CRB2: variants seen among roughly 807,000 people sequenced by gnomAD.
CRB2 encodes crumbs cell polarity complex component 2.
In CRB2, 85 loss-of-function variants were observed where a neutral mutation model predicts 110.9. The observed-to-expected ratio is 0.77, with a 90% CI of 0.64 to 0.92. CRB2 has a LOEUF of 0.92. Ranked by LOEUF, CRB2 falls within the 40% of genes least tolerant of loss-of-function variation. The pLI is 0.00. For synonymous variants in CRB2, 907 were observed against 831.0 expected, an observed-to-expected ratio of 1.09 and a Z score of -1.57; for missense variants, 1,843 against 1,851.3, an observed-to-expected ratio of 1.00 and a Z score of 0.08.
upstream of CRB2, chr9:123,356,076 C>T (rs1281966667): frequency 6.8e-6 from 3 of 439,058 alleles, no homozygotes; most frequent in Non-Finnish European, 1.2e-5. Context: ...TGTCTAGGGA[C>T]GTCCACGAGG....
chr9:123,367,144 C>G (rs779223644), intron 4 of CRB2, 28 bp from the exon 5 acceptor site: 1 of 1,547,774 alleles, frequency 6.5e-7, no homozygotes, highest in East Asian at 2.3e-5. Context: ...CCCCGTGAGA[C>G]CTGATGTCCG....
At position 123,377,774 on chromosome 9, in the gene CRB2, G is replaced by GC. The variant is rs2042125884; in HGVS notation, c.*717dup. On this transcript the variant is annotated 3_prime_UTR_variant, in exon 13 of 13. Transcript: ENST00000373631. ...ATGCGAGGGAACCACAGACCCACCC[G>GC]CCCCCTCAGCCGGAGCAGCCCGAGG... 6.6e-6 allele frequency: 1 copy of GC among 152,380 alleles called. No homozygotes were observed. Among genetic ancestry groups the GC allele is most frequent in the African/African-American group, 2.4e-5 (1 of 41,558 alleles). 9.4% of individuals were successfully genotyped at this position (152,380 alleles called of 1,614,324 possible).
intron 9 of CRB2, 119 bp from the exon 10 acceptor site, chr9:123,373,015 T>TG (rs770858327): frequency 2.6e-6 from 2 of 758,022 alleles, no homozygotes; most frequent in Non-Finnish European, 4.0e-6. Context: ...AGATGATAGG[T>TG]GGGTGCGTGT....
intron 10 of CRB2, 144 bp from the exon 11 acceptor site, chr9:123,374,435 C>T (rs950977890): frequency 4.5e-6 from 3 of 665,332 alleles, no homozygotes; most frequent in African/African-American, 1.8e-5. Flanking sequence ...TCCCTCCCAT[C>T]AGGGACCTCA....
chr9:123,360,208 C>T (rs956549481), intron 1 of CRB2, among the ~76,000 whole-genome samples: 7 of 152,218 alleles, frequency 4.6e-5, no homozygotes, highest in Non-Finnish European at 8.8e-5. Context: ...TGCACAGGCC[C>T]AAGCACATAG....
At position 123,376,962 on chromosome 9, in the gene CRB2, A is replaced by C. The variant is rs1425262661; in HGVS notation, c.3758A>C (p.Gln1253Pro). 1 of 1,608,036 alleles carries C rather than the reference A, an allele frequency of 6.2e-7. No individual in the cohort carries two copies. The highest frequency in any genetic ancestry group is 1.3e-5 in the African/African-American group (1 of 74,874). The change falls in exon 13 of 13, where the codon CAG (glutamine) becomes CCG (proline). Residue 1253 changes from glutamine to proline, a missense_variant. Coordinates refer to ENST00000373631, the MANE Select transcript of CRB2 (RefSeq NM_173689.7). Reference sequence around the variant, plus strand: ...ATCCTGGCAGCCCGAAAGCGCCGCCAGTCTGAGGGCACCTACAGCCCAAGC... The same window carrying C: ...ATCCTGGCAGCCCGAAAGCGCCGCCCGTCTGAGGGCACCTACAGCCCAAGC... ...SGILAARKRRQSEGTYSPSQQ... is the reference protein window; with the variant it reads ...SGILAARKRRPSEGTYSPSQQ...
At chr9:123,367,436 C>CCACCCCCCT in intron 5 of CRB2, 79 bp downstream of exon 5, 2 of 1,105,198 alleles carry the variant, frequency 1.8e-6, no homozygotes, top group Non-Finnish European at 2.4e-6. Context: ...CCCACCCCCC[C>CCACCCCCCT]CACCCCCCCA....
Position 123,370,234 on chromosome 9 carries a change from C to G in CRB2, c.1181C>G (p.Ser394Cys), listed in dbSNP as rs759502135. The G allele has an allele frequency of 1.9e-6, 3 of 1,613,320 alleles. No individual in the cohort carries two copies. Among genetic ancestry groups the G allele is most frequent in the Non-Finnish European group, 2.5e-6 (3 of 1,180,008 alleles). ...CPETWGGRDC[S>C]VQLTGCQGHT... ...GAGACCTGGGGTGGGCGCGACTGTT[C>G]TGTGCAGCTCACTGGCTGCCAGGGC... Residue 394 changes from serine (S) to cysteine (C), a missense_variant, in exon 7 of 13, where the codon TCT (serine) becomes TGT (cysteine). Ser to Cys is a moderately radical substitution (Grantham distance 112, BLOSUM62 -1). Coordinates refer to ENST00000373631, the MANE Select transcript of CRB2 (RefSeq NM_173689.7).
intron 2 of CRB2, among the ~76,000 whole-genome samples, chr9:123,364,773 T>C (rs73571409): frequency 0.021 from 3,223 of 152,228 alleles, 116 homozygotes; most frequent in African/African-American, 0.074. Context: ...GGACTCCCCA[T>C]CTCCCTTCCT....
intron 1 of CRB2, among the ~76,000 whole-genome samples, chr9:123,361,356 A>C (rs2041867001): frequency 6.6e-6 from 1 of 152,084 alleles, no homozygotes; most frequent in Non-Finnish European, 1.5e-5. Flanking sequence ...CACTTTTTGC[A>C]CCCCAGATAC....
chr9:123,378,298 C>T lies in CRB2; in HGVS notation c.*1236C>T, dbSNP rs1348919914. The T allele has an allele frequency of 6.6e-6, 1 of 152,368 alleles. No individual in the cohort carries two copies. The highest frequency in any genetic ancestry group is 1.5e-5 in the Non-Finnish European group (1 of 68,098). The allele number at this position is 152,368 out of a possible 1,614,324, so 9.4% of individuals were successfully genotyped here. On this transcript the variant is annotated 3_prime_UTR_variant, in exon 13 of 13. Transcript: ENST00000373631. ...CCCATCACACTGTGACCTCCCATCCCTGAAGGGCACCTGCCTGAGGGCCTG... is the reference window on the plus strand; with the variant it reads ...CCCATCACACTGTGACCTCCCATCCTTGAAGGGCACCTGCCTGAGGGCCTG...
chr9:123,373,321 G>A lies in CRB2; in HGVS notation c.2790G>A (p.Ala930=). The A allele has an allele frequency of 1.4e-6, 2 of 1,449,812 alleles. No individual in the cohort carries two copies. The highest frequency in any genetic ancestry group is 3.0e-5 in the East Asian group (1 of 33,622). The allele number at this position is 1,449,812 out of a possible 1,614,324, so 89.8% of individuals were successfully genotyped here. ...VWLAVRNGSL[A]GGVRGGHGLP... ...TGGCGGTGCGCAATGGCTCGCTGGC[G>A]GGGGGCGTGCGCGGAGGCCATGGCC... The change falls in exon 10 of 13, where the codon GCG becomes GCA. Residue 930 remains alanine, a synonymous_variant. Transcript: ENST00000373631.
At chr9:123,354,597 C>T (rs1438792793), upstream of CRB2, among the ~76,000 whole-genome samples, 1 of 152,240 alleles carries the variant, frequency 6.6e-6, no homozygotes, top group African/African-American at 2.4e-5. Context: ...GCTGTGAGGC[C>T]TCTGCTTTTC....
In CRB2 at chr9:123,376,902, GCCTCCT is replaced by G. The variant is rs767432277; in HGVS notation, c.3711_3716del (p.Leu1238_Leu1239del). 15 of 1,608,886 alleles carry G rather than the reference GCCTCCT, an allele frequency of 9.3e-6. No homozygotes were observed. Among genetic ancestry groups the G allele is most frequent in the East Asian group, 2.2e-5 (1 of 44,802 alleles). ...GTGGCCGTACCTGCAGCCTGTGCCT[GCCTCCT>G]CCTCCTCCTCCTGGGCCTCCTTTCA... On this transcript the variant is annotated inframe_deletion, in exon 13 of 13. Transcript: ENST00000373631.
intron 9 of CRB2, among the ~76,000 whole-genome samples, chr9:123,372,686 C>A (rs773995347): frequency 6.6e-6 from 1 of 152,202 alleles, no homozygotes; most frequent in Admixed American, 6.5e-5. Flanking sequence ...CCCAGCTAGG[C>A]GGCTCTGACT....
intron 6 of CRB2, among the ~76,000 whole-genome samples, chr9:123,368,084 G>A (rs981983261): frequency 6.6e-6 from 1 of 152,060 alleles, no homozygotes; most frequent in African/African-American, 2.4e-5. Context: ...GGGTTCAGAA[G>A]TCTGCCCCTG....
At chr9:123,363,888 G>A (rs966779279) in intron 2 of CRB2, among the ~76,000 whole-genome samples, 1 of 152,234 alleles carries the variant, frequency 6.6e-6, no homozygotes, top group Non-Finnish European at 1.5e-5. Flanking sequence ...CTGAAGTCGG[G>A]AAGGAGGGCG....
chr9:123,363,254 A>G lies in CRB2; in HGVS notation c.418+66A>G, dbSNP rs554902035. The G allele has an allele frequency of 3.6e-5, 54 of 1,485,316 alleles. No individual in the cohort carries two copies. In the African/African-American group the frequency reaches 6.2e-4, roughly 17 times the overall value. 92.0% of individuals were successfully genotyped at this position (1,485,316 alleles called of 1,614,324 possible). On this transcript the variant is annotated intron_variant, in intron 2 of 12. Transcript: ENST00000373631. ...GATCGCATCAGCTGCTCAGAGTGTA[A>G]GCATCATGGCTTCAGCTTTGCCTTT...
At chr9:123,368,245 C>T (rs1455510996) in intron 6 of CRB2, among the ~76,000 whole-genome samples, 1 of 152,174 alleles carries the variant, frequency 6.6e-6, no homozygotes, top group African/African-American at 2.4e-5. Flanking sequence ...GCCTCCTCCC[C>T]CTGGCAGGCT....
Sources: gnomAD v4.1 joint callset for allele counts (sites outside exome capture counted in the v4.1 genomes callset) on GRCh38, gnomAD v4.1.1 for gene constraint, MANE v1.5 for transcripts, NCBI Gene and HGNC (gene_info 2026-07-23, HGNC 2026-07-21) for gene names.